Variants in PRMT8 observed in about 807,000 individuals in gnomAD.
PRMT8 encodes protein arginine methyltransferase 8.
Under a neutral mutation model 47.1 loss-of-function variants are expected in PRMT8, and 7 were observed. That is an observed-to-expected ratio of 0.15 (90% CI 0.08 to 0.28). The LOEUF is 0.28. PRMT8 is among the 10% of genes least tolerant of loss of function. The pLI, the probability that PRMT8 is intolerant of heterozygous loss-of-function variation, is 1.00. For synonymous variants in PRMT8, 188 were observed against 186.5 expected, an observed-to-expected ratio of 1.01 and a Z score of -0.07; for missense variants, 237 against 505.4, an observed-to-expected ratio of 0.47 and a Z score of 5.09.
At chr12:3,464,853 T>G (rs1865076287) in intron 1 of PRMT8, among the ~76,000 whole-genome samples, 2 of 152,040 alleles carry the variant, frequency 1.3e-5, no homozygotes, top group African/African-American at 2.4e-5. Flanking sequence ...GAAACCTGAC[T>G]CCTGCTCACA....
At chr12:3,487,418 T>G (rs1865333084), upstream of PRMT8, among the ~76,000 whole-genome samples, 1 of 152,220 alleles carries the variant, frequency 6.6e-6, no homozygotes, top group African/African-American at 2.4e-5. Context: ...AAGGAAGTGT[T>G]GGTTGGCCCC....
chr12:3,498,841 A>G (rs1019379318), intron 1 of PRMT8, among the ~76,000 whole-genome samples: 9 of 152,188 alleles, frequency 5.9e-5, no homozygotes, highest in Non-Finnish European at 4.4e-5. Context: ...TGGCTTTAAA[A>G]CAACGAGATG....
chr12:3,387,881 T>C (rs1426523824), intron 1 of PRMT8, among the ~76,000 whole-genome samples: 1 of 152,180 alleles, frequency 6.6e-6, no homozygotes, highest in Non-Finnish European at 1.5e-5. Context: ...TATTCCAGCA[T>C]ACATCACTTC....
intron 1 of PRMT8, among the ~76,000 whole-genome samples, chr12:3,392,130 G>A (rs1864198636): frequency 6.6e-6 from 1 of 152,178 alleles, no homozygotes; most frequent in Non-Finnish European, 1.5e-5. Context: ...CAGAATTACA[G>A]CCTGGGGCCA....
intron 1 of PRMT8, among the ~76,000 whole-genome samples, chr12:3,481,763 C>T (rs73260076): frequency 0.1 from 15,929 of 152,104 alleles, 916 homozygotes; most frequent in African/African-American, 0.14. Flanking sequence ...AGAAGAGGAA[C>T]TTTGGACAAT....
chr12:3,435,955 G>A (rs898864293), intron 1 of PRMT8, among the ~76,000 whole-genome samples: 4 of 152,156 alleles, frequency 2.6e-5, no homozygotes, highest in Admixed American at 6.5e-5. Context: ...ATGACACCCC[G>A]TGTCCGCAAG....
chr12:3,471,071 G>A (rs1262230719), intron 1 of PRMT8, among the ~76,000 whole-genome samples: 1 of 152,156 alleles, frequency 6.6e-6, no homozygotes, highest in Admixed American at 6.5e-5. Context: ...AGCGCTCAGA[G>A]AAGCAGAAGG....
intron 2 of PRMT8, among the ~76,000 whole-genome samples, chr12:3,546,018 G>T (rs1247411892): frequency 6.6e-6 from 1 of 152,158 alleles, no homozygotes; most frequent in Admixed American, 6.6e-5. Context: ...ACAATGAATT[G>T]AATTAGAAAC....
At chr12:3,578,815 T>G (rs1344055991) in intron 7 of PRMT8, among the ~76,000 whole-genome samples, 1 of 152,150 alleles carries the variant, frequency 6.6e-6, no homozygotes, top group African/African-American at 2.4e-5. Flanking sequence ...GGAGTATCAC[T>G]GTGGACTTTA....
At chr12:3,573,220 C>T (rs548228176) in intron 6 of PRMT8, among the ~76,000 whole-genome samples, 4 of 151,982 alleles carry the variant, frequency 2.6e-5, no homozygotes, top group Non-Finnish European at 4.4e-5. Flanking sequence ...TTTATTGCCC[C>T]GTTTTCAACT....
At chr12:3,435,501 GT>G (rs11341367) in intron 1 of PRMT8, among the ~76,000 whole-genome samples, 28,300 of 144,892 alleles carry the variant, frequency 0.2, 3,700 homozygotes, top group African/African-American at 0.38. Flanking sequence ...ACAACGTCAT[GT>G]TTTTTTTTTT....
chr12:3,561,934 A>C (rs1314389963), intron 4 of PRMT8, among the ~76,000 whole-genome samples: 2 of 152,142 alleles, frequency 1.3e-5, no homozygotes, highest in African/African-American at 4.8e-5. Flanking sequence ...TCAGCACCTT[A>C]CAGGATCCTG....
intron 1 of PRMT8, among the ~76,000 whole-genome samples, chr12:3,470,976 G>A (rs962438151): frequency 4.6e-5 from 7 of 152,190 alleles, no homozygotes; most frequent in Non-Finnish European, 1.0e-4. Flanking sequence ...TTTCCTTCAG[G>A]CCATCCTGGG....
chr12:3,486,821 T>C (rs1865327761), upstream of PRMT8, among the ~76,000 whole-genome samples: 1 of 152,364 alleles, frequency 6.6e-6, no homozygotes, highest in Non-Finnish European at 1.5e-5. Context: ...AATAGTATCA[T>C]ATCCAGCACA....
chr12:3,425,115 C>T (rs769065616), intron 1 of PRMT8, among the ~76,000 whole-genome samples: 7 of 152,244 alleles, frequency 4.6e-5, no homozygotes, highest in Non-Finnish European at 1.0e-4. Flanking sequence ...ACTGGGCTCT[C>T]TGATACCGGG....
rs1482792604 is a variant in PRMT8, at chr12:3,456,462, G to A, written c.48+75020G>A. ...ACTCCCAGAAACTCTGAAGCCACAA[G>A]CAAAACTCCTCTCCCAGGTGGGAGG... On this transcript the variant is annotated intron_variant, in intron 1 of 9. Transcript: ENST00000452611. The surrounding 1 kb of genome is among the most constrained non-coding windows in gnomAD (Gnocchi z 4.2). Among the ~76,000 whole-genome samples the A allele has an allele frequency of 1.3e-5, 2 of 152,144 alleles. No homozygotes were observed. The highest frequency in any genetic ancestry group is 2.9e-5 in the Non-Finnish European group (2 of 68,036).
At chr12:3,470,445 CTGTT>C (rs927421205) in intron 1 of PRMT8, among the ~76,000 whole-genome samples, 3 of 152,128 alleles carry the variant, frequency 2.0e-5, no homozygotes, top group Non-Finnish European at 4.4e-5. Context: ...GGTGAGGGCT[CTGTT>C]TGAACCTGCC....
At chr12:3,404,652 A>T (rs1191785177) in intron 1 of PRMT8, among the ~76,000 whole-genome samples, 1 of 152,200 alleles carries the variant, frequency 6.6e-6, no homozygotes, top group Non-Finnish European at 1.5e-5. Flanking sequence ...ACATTTGCCA[A>T]TTAGTTCAAT....
rs1866951295 is a variant in PRMT8 at position 3,576,693 on chromosome 12, A to C, written c.713-178A>C. Among the ~76,000 whole-genome samples the C allele has an allele frequency of 6.6e-6, 1 of 152,142 alleles. No homozygotes were observed. The highest frequency in any genetic ancestry group is 2.1e-4 in the South Asian group (1 of 4,822). ...TTCCCGAGGTAGAAATGGAAATGGGAGTGAGCATTTGGCACATTGCAAAGT... is the reference window on the plus strand; with the variant it reads ...TTCCCGAGGTAGAAATGGAAATGGGCGTGAGCATTTGGCACATTGCAAAGT... On this transcript the variant is annotated intron_variant, in intron 6 of 9. Transcript: ENST00000382622. This position sits in a 1 kb window ranked among gnomAD's most constrained non-coding sequence, Gnocchi z 4.0.
Sources: allele counts gnomAD v4.1 joint callset (sites outside exome capture counted in the v4.1 genomes callset), GRCh38; gene constraint gnomAD v4.1.1; non-coding constraint Gnocchi (gnomAD v3.1); transcripts MANE v1.5; gene names NCBI Gene and HGNC (gene_info 2026-07-23, HGNC 2026-07-21).